DHRS12: variants seen among roughly 807,000 people sequenced by gnomAD.
DHRS12 encodes dehydrogenase/reductase 12, also known as dehydrogenase/reductase SDR family member 12.
In DHRS12, 29 loss-of-function variants were observed where a neutral mutation model predicts 32.1. The observed-to-expected ratio is 0.90, with a 90% CI of 0.67 to 1.23. The LOEUF is 1.23. Among genes scored for constraint, DHRS12 ranks in the 50% most tolerant of loss-of-function variants. The pLI is 0.00. For synonymous variants in DHRS12, 150 were observed against 135.9 expected, an observed-to-expected ratio of 1.10 and a Z score of -0.72; for missense variants, 330 against 337.2, an observed-to-expected ratio of 0.98 and a Z score of 0.17.
In DHRS12 at chr13:51,789,056, G is replaced by A. The variant is rs1471378526; in HGVS notation, c.301+955C>T. Among the ~76,000 whole-genome samples, 3 of 152,114 alleles carry A rather than the reference G, an allele frequency of 2.0e-5. No homozygotes were observed. In the East Asian group the frequency reaches 5.8e-4, roughly 29 times the overall value. The stretch of plus-strand genomic sequence containing the variant: ...TGCACTGAGCCATGCCCTTCAACCA[G>A]CCTTATCAGTAACAACAGTGATATG... On this transcript the variant is annotated intron_variant, in intron 4 of 8. Transcript: ENST00000444610.
At chr13:51,788,070 A>G (rs1470259021) in intron 4 of DHRS12, among the ~76,000 whole-genome samples, 2 of 150,806 alleles carry the variant, frequency 1.3e-5, no homozygotes, top group African/African-American at 2.4e-5. Flanking sequence ...GAGGTCACAC[A>G]AAGCCCAGTA....
chr13:51,787,339 T>C (rs1384778281), intron 4 of DHRS12, among the ~76,000 whole-genome samples: 1 of 152,166 alleles, frequency 6.6e-6, no homozygotes, highest in African/African-American at 2.4e-5. Flanking sequence ...GTCCCCAGAT[T>C]ACCCTCCTTT....
Position 51,770,693 on chromosome 13 carries a change from T to TC in DHRS12, c.559+1127dup, listed in dbSNP as rs960186658. On this transcript the variant is annotated intron_variant, in intron 7 of 8. Transcript: ENST00000444610. ...TTTCTGCCAAATCTCCAAGCTGGTC[T>TC]CCATGAGATGCCACAAAGCACCAAC... 49 of 942,708 alleles carry TC rather than the reference T, an allele frequency of 5.2e-5. 1 individual carries two copies. The African/African-American group carries it at 8.2e-4, about 16-fold the overall frequency. The allele number at this position is 942,708 out of a possible 1,614,324, so 58.4% of individuals were successfully genotyped here.
At chr13:51,788,565 C>T (rs898746608) in intron 4 of DHRS12, among the ~76,000 whole-genome samples, 1 of 151,996 alleles carries the variant, frequency 6.6e-6, no homozygotes, top group African/African-American at 2.4e-5. Context: ...TAAATTTAGC[C>T]TGGGCGCAGT....
the DHRS12 span, chr13:51,756,596 A>G: frequency 7.2e-7 from 1 of 1,389,240 alleles, no homozygotes; most frequent in Non-Finnish European, 9.3e-7. Flanking sequence ...GGCAAGCAGT[A>G]AAAGCTCTCC....
At position 51,791,175 on chromosome 13, in the gene DHRS12, A is replaced by C. The variant is rs755548411; in HGVS notation, c.209T>G (p.Leu70Arg). 1 of 1,577,558 alleles carries C rather than the reference A, an allele frequency of 6.3e-7. No homozygotes were observed. The highest frequency in any genetic ancestry group is 8.6e-7 in the Non-Finnish European group (1 of 1,160,208). The change falls in exon 3 of 9, where the codon CTC (leucine) becomes CGC (arginine). Residue 70 changes from leucine to arginine, a missense_variant. Physicochemically the swap from Leu to Arg is moderately radical, Grantham distance 102. Coordinates refer to ENST00000444610, the MANE Select transcript of DHRS12 (RefSeq NM_001377533.1). ...FVENFKQEHK[L>R]HVLINNAGCM... Reference sequence around the variant, plus strand: ...GTTTACAAAGCTCACCAGAACATGGAGTTTATGTTCCTGCTTGAAATTTTC... The same window carrying C: ...GTTTACAAAGCTCACCAGAACATGGCGTTTATGTTCCTGCTTGAAATTTTC...
chr13:51,793,079 T>TC (rs1955353126), intron 2 of DHRS12, among the ~76,000 whole-genome samples: 1 of 152,134 alleles, frequency 6.6e-6, no homozygotes, highest in African/African-American at 2.4e-5. Flanking sequence ...CACAGCCACC[T>TC]CCCCAGCAGG....
the DHRS12 span, among the ~76,000 whole-genome samples, chr13:51,758,017 AT>A: frequency 0.13 from 18,994 of 149,372 alleles, 1,387 homozygotes; most frequent in East Asian, 0.3. Flanking sequence ...GATTTCTTGT[AT>A]TTTTTTTTTA....
At position 51,804,051 on chromosome 13, in the gene DHRS12, T is replaced by TA. The variant is rs1212023291; in HGVS notation, c.-9+2dup. On this transcript the variant is annotated splice_region_variant and intron_variant, in intron 1 of 8. Coordinates refer to ENST00000444610, the MANE Select transcript of DHRS12 (RefSeq NM_001377533.1). ...GGCCCCGCGCCCCGCCGCGCCGCCT[T>TA]ACTTGGTGTACTCGCGCAGCCCCTT... The TA allele has an allele frequency of 6.8e-7, 1 of 1,478,638 alleles. No individual in the cohort carries two copies. The highest frequency in any genetic ancestry group is 8.9e-7 in the Non-Finnish European group (1 of 1,121,474). The allele number at this position is 1,478,638 out of a possible 1,614,324, so 91.6% of individuals were successfully genotyped here.
intron 4 of DHRS12, among the ~76,000 whole-genome samples, chr13:51,784,268 A>G (rs1172685481): frequency 1.3e-5 from 2 of 152,194 alleles, no homozygotes; most frequent in African/African-American, 4.8e-5. Context: ...AGGCACACAG[A>G]GGGGTCCATG....
At chr13:51,764,325 A>C (rs978163582), downstream of DHRS12, 4 of 152,442 alleles carry the variant, frequency 2.6e-5, no homozygotes, top group African/African-American at 9.6e-5. Flanking sequence ...GGGTGCCACT[A>C]ACCCAGCAGG....
chr13:51,791,093 T>A, intron 3 of DHRS12, 72 bp downstream of exon 3: 2 of 1,051,000 alleles, frequency 1.9e-6, no homozygotes, highest in Non-Finnish European at 2.8e-6. Context: ...AACATACATA[T>A]CCGTCCACAT....
chr13:51,767,906 T>C (rs1436869140), downstream of DHRS12: 21 of 1,010,574 alleles, frequency 2.1e-5, no homozygotes, highest in Non-Finnish European at 2.4e-5. Flanking sequence ...AAGACTGAAA[T>C]GATGGTTCAT....
intron 7 of DHRS12, 70 bp from the exon 8 acceptor site, chr13:51,769,363 TAA>T (rs11374211): frequency 7.9e-3 from 7,846 of 988,236 alleles, no homozygotes; most frequent in South Asian, 0.01. Context: ...TCCCTTAATT[TAA>T]AAAAAAAAAA....
At chr13:51,803,760 C>G (rs2139503801) in intron 1 of DHRS12, 1 of 279,252 alleles carries the variant, frequency 3.6e-6, no homozygotes, top group Non-Finnish European at 6.6e-6. Flanking sequence ...CAAGAGGCTC[C>G]TTGGCGCCGG....
the DHRS12 span, chr13:51,758,133 T>G: frequency 7.3e-7 from 1 of 1,360,572 alleles, no homozygotes; most frequent in Non-Finnish European, 1.0e-6. Flanking sequence ...TCATCCTAGA[T>G]CTCTCTCATT....
At chr13:51,784,754 T>G (rs1356863868) in intron 4 of DHRS12, among the ~76,000 whole-genome samples, 3 of 152,232 alleles carry the variant, frequency 2.0e-5, no homozygotes, top group Non-Finnish European at 4.4e-5. Context: ...GGAAGCACTG[T>G]TCTCTGTTTT....
At chr13:51,797,796 A>T (rs1421653977) in intron 2 of DHRS12, 4 of 1,533,144 alleles carry the variant, frequency 2.6e-6, no homozygotes, top group Non-Finnish European at 3.5e-6. Flanking sequence ...AGGCAAGGAA[A>T]CCCAGCAGGA....
chr13:51,789,650 T>G, intron 4 of DHRS12: 2 of 985,478 alleles, frequency 2.0e-6, no homozygotes, highest in Non-Finnish European at 2.4e-6. Flanking sequence ...TCTTGCCCAC[T>G]GGTTGCACCT....
Sources: allele counts gnomAD v4.1 joint callset (sites outside exome capture counted in the v4.1 genomes callset), GRCh38; gene constraint gnomAD v4.1.1; transcripts MANE v1.5; gene names NCBI Gene and HGNC (gene_info 2026-07-23, HGNC 2026-07-21).